The following ZBTB38 variants were observed in gnomAD, a reference collection of about 807,000 sequenced individuals.
The protein encoded by ZBTB38 is zinc finger and BTB domain containing 38.
Under a neutral mutation model 76.8 loss-of-function variants are expected in ZBTB38, and 20 were observed. The observed-to-expected ratio is 0.26, with a 90% CI of 0.18 to 0.38. The LOEUF (loss-of-function observed/expected upper bound fraction) is 0.38. ZBTB38 is among the 10% of genes least tolerant of loss of function. The pLI, the probability that ZBTB38 is intolerant of heterozygous loss-of-function variation, is 1.00. For missense variants in ZBTB38, 1,082 were observed against 1,482.3 expected (o/e 0.73, Z 4.43); for synonymous variants, 504 against 544.2 (o/e 0.93, Z 1.03).
chr3:141,392,224 T>C (rs558979733), intron 4 of ZBTB38, among the ~76,000 whole-genome samples: 40 of 152,262 alleles, frequency 2.6e-4, no homozygotes, highest in Non-Finnish European at 4.6e-4. Flanking sequence ...GACAAGCTTG[T>C]TCGGTTCCTT....
chr3:141,346,782 T>TTTTTTTTTTG (rs150173767), intron 1 of ZBTB38, among the ~76,000 whole-genome samples: 1 of 144,562 alleles, frequency 6.9e-6, no homozygotes, highest in Non-Finnish European at 1.5e-5. Context: ...TTGTTTTGTT[T>TTTTTTTTTTG]TGTGTGTGTG....
chr3:141,363,663 AT>A (rs1943879020), upstream of ZBTB38, among the ~76,000 whole-genome samples: 1 of 152,184 alleles, frequency 6.6e-6, no homozygotes, highest in Non-Finnish European at 1.5e-5. Context: ...TAAACTCTTT[AT>A]TTTAGAATAG....
chr3:141,408,979 G>A (rs937208151), intron 5 of ZBTB38, among the ~76,000 whole-genome samples: 1 of 152,170 alleles, frequency 6.6e-6, no homozygotes, highest in Non-Finnish European at 1.5e-5. Flanking sequence ...AGACAACATG[G>A]TGTGGCAAGT....
At chr3:141,436,877 G>A (rs1041724572) in intron 5 of ZBTB38, among the ~76,000 whole-genome samples, 2 of 152,236 alleles carry the variant, frequency 1.3e-5, no homozygotes, top group East Asian at 3.9e-4. Flanking sequence ...AAATCACATG[G>A]GTCAAACAAA....
intron 1 of ZBTB38, among the ~76,000 whole-genome samples, chr3:141,340,974 G>GAAAGAAAGAAAGA (rs1943175776): frequency 9.1e-6 from 1 of 109,882 alleles, no homozygotes; most frequent in Non-Finnish European, 1.8e-5. Context: ...AAGAAAGAAA[G>GAAAGAAAGAAAGA]AAAGAAAGAA....
chr3:141,424,084 T>C (rs554487664), intron 5 of ZBTB38, among the ~76,000 whole-genome samples: 24 of 152,348 alleles, frequency 1.6e-4, no homozygotes, highest in Non-Finnish European at 2.6e-4. Context: ...CAAATTTGAG[T>C]GACCTTCTGA....
upstream of ZBTB38, among the ~76,000 whole-genome samples, chr3:141,365,435 G>A (rs559362418): frequency 1.4e-4 from 22 of 152,194 alleles, no homozygotes; most frequent in South Asian, 1.2e-3. Context: ...CAAGGTGGCT[G>A]AGAGTGCTAG....
At chr3:141,428,003 G>A (rs1180840292) in intron 5 of ZBTB38, among the ~76,000 whole-genome samples, 1 of 152,176 alleles carries the variant, frequency 6.6e-6, no homozygotes, top group African/African-American at 2.4e-5. Flanking sequence ...TTGTACACCT[G>A]GCCAGCCATG....
chr3:141,327,046 A>G (rs1942695859), intron 1 of ZBTB38, among the ~76,000 whole-genome samples: 1 of 152,230 alleles, frequency 6.6e-6, no homozygotes, highest in South Asian at 2.1e-4. Flanking sequence ...AGATACATTT[A>G]GAAATATTAA....
intron 1 of ZBTB38, among the ~76,000 whole-genome samples, chr3:141,332,204 G>C (rs1010031830): frequency 1.3e-5 from 2 of 152,004 alleles, no homozygotes; most frequent in Non-Finnish European, 2.9e-5. Flanking sequence ...AATTTTCCTA[G>C]CCTGTCATTC....
At chr3:141,431,337 A>ATAT (rs1320311107) in intron 5 of ZBTB38, among the ~76,000 whole-genome samples, 3 of 101,990 alleles carry the variant, frequency 2.9e-5, no homozygotes, top group African/African-American at 1.2e-4. Context: ...AAAAAAAAAA[A>ATAT]AAAAATATAT....
intron 1 of ZBTB38, among the ~76,000 whole-genome samples, chr3:141,331,331 C>T (rs1006629109): frequency 6.6e-6 from 1 of 152,202 alleles, no homozygotes; most frequent in Non-Finnish European, 1.5e-5. Flanking sequence ...CTCTAGGCAA[C>T]TACTGGACAA....
upstream of ZBTB38, chr3:141,368,423 C>G (rs1255163237): frequency 6.6e-6 from 1 of 151,970 alleles, no homozygotes; most frequent in African/African-American, 2.4e-5. Flanking sequence ...GCAGCCCGGC[C>G]CGGGCTGCTG....
At chr3:141,441,265 G>C (rs568069143) in intron 5 of ZBTB38, among the ~76,000 whole-genome samples, 4 of 152,178 alleles carry the variant, frequency 2.6e-5, no homozygotes, top group African/African-American at 9.6e-5. Context: ...GACTTATATA[G>C]AGAATATAGA....
At chr3:141,387,895 G>A (rs1219021488) in intron 4 of ZBTB38, 3 of 152,148 alleles carry the variant, frequency 2.0e-5, no homozygotes, top group Non-Finnish European at 4.4e-5. Context: ...CAGGTAGGTT[G>A]AAATTTGCAT....
At chr3:141,415,971 G>A (rs1273668735) in intron 5 of ZBTB38, among the ~76,000 whole-genome samples, 1 of 152,176 alleles carries the variant, frequency 6.6e-6, no homozygotes, top group African/African-American at 2.4e-5. Flanking sequence ...GATTTTAATG[G>A]TGGAACGTGT....
At chr3:141,350,775 G>A (rs1258752607) in intron 1 of ZBTB38, among the ~76,000 whole-genome samples, 1 of 152,062 alleles carries the variant, frequency 6.6e-6, no homozygotes, top group Non-Finnish European at 1.5e-5. Context: ...ATGCCTTCTA[G>A]CATCAAGTGT....
chr3:141,364,484 C>A (rs1235226854), upstream of ZBTB38, among the ~76,000 whole-genome samples: 1 of 151,430 alleles, frequency 6.6e-6, no homozygotes, highest in Non-Finnish European at 1.5e-5. Context: ...TCAAGACCAG[C>A]CTGACCAACA....
chr3:141,443,903 G>A lies in ZBTB38; in HGVS notation c.1515G>A (p.Arg505=). The change falls in exon 6 of 6, where the codon AGG becomes AGA. Residue 505 remains arginine, a synonymous_variant. Transcript: ENST00000321464. The surrounding 1 kb of genome is among the most constrained non-coding windows in gnomAD (Gnocchi z 5.6). ...TTGCATTGGCTGAGTACAGGACAAG[G>A]CATGAAATTTGGCATACGGGAGAAA... The part of the protein sequence containing the change: ...KVFALAEYRT[R]HEIWHTGERR... 1.2e-6 allele frequency: 2 copies of A among 1,614,084 alleles called. No homozygotes were observed. Among genetic ancestry groups the A allele is most frequent in the Non-Finnish European group, 1.7e-6 (2 of 1,180,030 alleles).
Sources: allele counts gnomAD v4.1 joint callset (sites outside exome capture counted in the v4.1 genomes callset), GRCh38; gene constraint gnomAD v4.1.1; non-coding constraint Gnocchi (gnomAD v3.1); transcripts MANE v1.5; gene names NCBI Gene and HGNC (gene_info 2026-07-23, HGNC 2026-07-21).